SGTA: variants seen among roughly 807,000 people sequenced by gnomAD.
The protein encoded by SGTA is small glutamine-rich tetratricopeptide repeat-containing protein alpha.
SGTA carries 22 observed loss-of-function variants against 44.3 expected under a neutral mutation model. The observed-to-expected ratio is 0.50, with a 90% CI of 0.36 to 0.71. SGTA has a LOEUF of 0.71. SGTA is among the 30% of genes least tolerant of loss of function. The probability of loss-of-function intolerance (pLI) is 0.00; values close to 1 mark genes in which losing one functional copy is unlikely to be tolerated. For missense variants in SGTA, 341 were observed against 435.9 expected, an observed-to-expected ratio of 0.78 and a Z score of 1.94; for synonymous variants, 174 against 177.6, an observed-to-expected ratio of 0.98 and a Z score of 0.16.
Position 2,761,614 on chromosome 19 carries a change from G to T in SGTA, c.637-92C>A. The T allele has an allele frequency of 9.5e-7, 1 of 1,056,236 alleles. No homozygotes were observed. The highest frequency in any genetic ancestry group is 1.4e-6 in the Non-Finnish European group (1 of 704,588). 65.4% of individuals were successfully genotyped at this position (1,056,236 alleles called of 1,614,324 possible). ...ACTCAGAAACAACGGCCCCCCACGGGGCTCAGACATTCTATCAACCCTGCG... is the reference window on the plus strand; with the variant it reads ...ACTCAGAAACAACGGCCCCCCACGGTGCTCAGACATTCTATCAACCCTGCG... On this transcript the variant is annotated intron_variant, in intron 7 of 11. Coordinates refer to ENST00000221566, the MANE Select transcript of SGTA (RefSeq NM_003021.4). This position sits in a 1 kb window ranked among gnomAD's most constrained non-coding sequence, Gnocchi z 5.7.
chr19:2,759,475 C>T (rs1914924941), intron 8 of SGTA, 181 bp from the exon 9 acceptor site: 2 of 599,862 alleles, frequency 3.3e-6, no homozygotes, highest in African/African-American at 3.7e-5. Context: ...CACCCACGAG[C>T]TGTGACCTCC....
At position 2,765,202 on chromosome 19, in the gene SGTA, C is replaced by T. The variant is rs561934511; in HGVS notation, c.376G>A (p.Val126Ile). The change falls in exon 5 of 12, where the codon GTC becomes ATC. Residue 126 changes from valine to isoleucine, a missense_variant. Physicochemically the swap from Val to Ile is conservative, Grantham distance 29 (BLOSUM62 3). Coordinates refer to ENST00000221566, the MANE Select transcript of SGTA (RefSeq NM_003021.4). The surrounding 1 kb of genome is among the most constrained non-coding windows in gnomAD (Gnocchi z 5.5). ...AGCTGGTACCTGTTGCAGAAATAGACGGCGTTGGCTGGGTTGAGCTCGATG... is the reference window on the plus strand; with the variant it reads ...AGCTGGTACCTGTTGCAGAAATAGATGGCGTTGGCTGGGTTGAGCTCGATG... ...KAIELNPANA[V>I]YFCNRAAAYS... 37 of 1,613,950 alleles carry T rather than the reference C, an allele frequency of 2.3e-5. No homozygotes were observed. Among genetic ancestry groups the T allele is most frequent in the East Asian group, 1.6e-4 (7 of 44,880 alleles).
At chr19:2,776,535 G>A (rs1368805718) in intron 1 of SGTA, among the ~76,000 whole-genome samples, 3 of 152,332 alleles carry the variant, frequency 2.0e-5, no homozygotes, top group East Asian at 1.9e-4. Context: ...GGGGTGCCAG[G>A]GGCTGGGGAG....
chr19:2,769,697 G>C (rs891538166), intron 1 of SGTA, among the ~76,000 whole-genome samples: 2 of 152,060 alleles, frequency 1.3e-5, no homozygotes, highest in African/African-American at 2.4e-5. Context: ...TTGGGGACCC[G>C]TCTTGTTCCC....
At position 2,763,801 on chromosome 19, in the gene SGTA, A is replaced by G; in HGVS notation, c.393-44T>C. 1 of 1,541,008 alleles carries G rather than the reference A, an allele frequency of 6.5e-7. No homozygotes were observed. Among genetic ancestry groups the G allele is most frequent in the Non-Finnish European group, 8.9e-7 (1 of 1,122,600 alleles). On this transcript the variant is annotated intron_variant, in intron 5 of 11. Coordinates refer to ENST00000221566, the MANE Select transcript of SGTA (RefSeq NM_003021.4). This position sits in a 1 kb window ranked among gnomAD's most constrained non-coding sequence, Gnocchi z 5.8. Reference sequence around the variant, plus strand: ...GGCAGGTCCCTCACTGGCGGCTCTGAGCCCAGCGGGCAGCCCTTGAGGGGA... The same window carrying G: ...GGCAGGTCCCTCACTGGCGGCTCTGGGCCCAGCGGGCAGCCCTTGAGGGGA...
intron 1 of SGTA, among the ~76,000 whole-genome samples, chr19:2,775,408 TG>T (rs1258414923): frequency 6.6e-6 from 1 of 152,198 alleles, no homozygotes; most frequent in Non-Finnish European, 1.5e-5. Flanking sequence ...CTTTAAACAG[TG>T]GCTGACGTCA....
intron 1 of SGTA, among the ~76,000 whole-genome samples, chr19:2,780,048 C>A (rs760740886): frequency 1.3e-5 from 2 of 152,038 alleles, no homozygotes; most frequent in African/African-American, 4.8e-5. Flanking sequence ...GTGATTGGGC[C>A]CTGCACTCCA....
intron 8 of SGTA, 99 bp from the exon 9 acceptor site, chr19:2,759,393 C>A: frequency 9.1e-7 from 1 of 1,099,462 alleles, no homozygotes; most frequent in Non-Finnish European, 1.4e-6. Context: ...GTTCTGGACT[C>A]CAGCACGCCA....
At chr19:2,766,296 C>G (rs926590825) in intron 4 of SGTA, among the ~76,000 whole-genome samples, 1 of 152,196 alleles carries the variant, frequency 6.6e-6, no homozygotes, top group South Asian at 2.1e-4. Flanking sequence ...GATGTCTTCA[C>G]GGTGCATCTG....
At chr19:2,777,038 G>C (rs185772532) in intron 1 of SGTA, among the ~76,000 whole-genome samples, 2 of 151,784 alleles carry the variant, frequency 1.3e-5, no homozygotes, top group African/African-American at 4.9e-5. Flanking sequence ...CGAGGCAGGC[G>C]GATCACCTGA....
At chr19:2,760,542 C>CAAAA (rs1363728584) in intron 8 of SGTA, among the ~76,000 whole-genome samples, 10 of 142,728 alleles carry the variant, frequency 7.0e-5, no homozygotes, top group African/African-American at 2.7e-4. Context: ...AAAAAAAAAC[C>CAAAA]AAAAAAAACT....
At chr19:2,759,022 C>A (rs1568307169) in intron 9 of SGTA, among the ~76,000 whole-genome samples, 1 of 151,686 alleles carries the variant, frequency 6.6e-6, no homozygotes, top group East Asian at 1.9e-4. Flanking sequence ...GGGCTTCTTT[C>A]GGAGGTGATG....
rs1436844750 is a variant in SGTA, at chr19:2,773,480, C to G, written c.-23-4389G>C. On this transcript the variant is annotated intron_variant, in intron 1 of 11. Transcript: ENST00000221566. ...GGCAGAGATGGGTGACGCGGCCACA[C>G]GGCAGGGACACCGAGGGCAGAGGTG... Among the ~76,000 whole-genome samples the G allele has an allele frequency of 4.1e-3, 47 of 11,392 alleles. 4 individuals carry two copies. The highest frequency in any genetic ancestry group is 5.1e-3 in the Non-Finnish European group (39 of 7,604). The allele number at this position is 11,392 out of a possible 152,430, so 7.5% of individuals were successfully genotyped here. A position where few individuals can be genotyped will look rare whatever the true frequency, so the allele number is the denominator to read the frequency against.
chr19:2,774,871 T>C (rs1182350590), intron 1 of SGTA, among the ~76,000 whole-genome samples: 2 of 152,148 alleles, frequency 1.3e-5, no homozygotes, highest in Admixed American at 6.5e-5. Flanking sequence ...TGTGTGTGTG[T>C]GCGTGCATGT....
rs559466578 is a variant in SGTA at position 2,774,390 on chromosome 19, G to A, written c.-23-5299C>T. 1.5e-3 allele frequency among the ~76,000 whole-genome samples: 221 copies of A among 152,314 alleles called. 2 individuals carry two copies. Among genetic ancestry groups the A allele is most frequent in the African/African-American group, 4.4e-3 (184 of 41,584 alleles). ...GGACACGGAGGGAGGGAGCAGCTGCGCGTTGCTCACTGTGCTGCGGTCCCA... is the reference window on the plus strand; with the variant it reads ...GGACACGGAGGGAGGGAGCAGCTGCACGTTGCTCACTGTGCTGCGGTCCCA... On this transcript the variant is annotated intron_variant, in intron 1 of 11. Transcript: ENST00000221566.
At chr19:2,760,853 C>T (rs1310190062) in intron 8 of SGTA, among the ~76,000 whole-genome samples, 2 of 152,168 alleles carry the variant, frequency 1.3e-5, no homozygotes, top group African/African-American at 4.8e-5. Flanking sequence ...TAGGCGAGTC[C>T]CTGTACCCTG....
chr19:2,781,860 T>C (rs62121147), intron 1 of SGTA, among the ~76,000 whole-genome samples: 1 of 151,792 alleles, frequency 6.6e-6, no homozygotes, highest in East Asian at 1.9e-4. Flanking sequence ...TTTTTTATTT[T>C]TGACAGGGTC....
At chr19:2,756,546 A>G (rs1212645566) in intron 11 of SGTA, among the ~76,000 whole-genome samples, 2 of 152,190 alleles carry the variant, frequency 1.3e-5, no homozygotes, top group African/African-American at 2.4e-5. Context: ...TTAAAAATGA[A>G]AGAGAGTGTA....
intron 1 of SGTA, among the ~76,000 whole-genome samples, chr19:2,769,518 T>C (rs2144731851): frequency 6.6e-6 from 1 of 152,316 alleles, no homozygotes; most frequent in Middle Eastern, 3.4e-3. Flanking sequence ...ATGTCCACAG[T>C]GCTGAGAGGG....
Sources: allele counts gnomAD v4.1 joint callset (sites outside exome capture counted in the v4.1 genomes callset), GRCh38; gene constraint gnomAD v4.1.1; non-coding constraint Gnocchi (gnomAD v3.1); transcripts MANE v1.5; gene names NCBI Gene and HGNC (gene_info 2026-07-23, HGNC 2026-07-21).